The following THEMIS variants were observed in gnomAD, a reference collection of about 807,000 sequenced individuals.
THEMIS encodes the protein thymocyte selection associated, also known as protein THEMIS.
A neutral mutation model predicts 52.6 loss-of-function variants in THEMIS; 37 were observed. The ratio of observed to expected loss-of-function variants is 0.70; its 90% CI spans 0.54 to 0.93. THEMIS has a LOEUF of 0.93. THEMIS is among the 40% of genes least tolerant of loss of function. The pLI, the probability that THEMIS is intolerant of heterozygous loss-of-function variation, is 0.00. For missense variants in THEMIS, 808 were observed against 763.1 expected (o/e 1.06, Z -0.69); for synonymous variants, 292 against 272.7 (o/e 1.07, Z -0.70).
At chr6:127,849,715 C>T (rs966399217) in intron 2 of THEMIS, among the ~76,000 whole-genome samples, 1 of 151,858 alleles carries the variant, frequency 6.6e-6, no homozygotes, top group Non-Finnish European at 1.5e-5. Context: ...AACTTGATCC[C>T]CATTTCTCAT....
intron 2 of THEMIS, among the ~76,000 whole-genome samples, chr6:127,853,210 G>T (rs1416083505): frequency 6.6e-6 from 1 of 151,608 alleles, no homozygotes; most frequent in Non-Finnish European, 1.5e-5. Flanking sequence ...TCAATTACAT[G>T]CAAAATGTGA....
intron 4 of THEMIS, among the ~76,000 whole-genome samples, chr6:127,753,825 C>T (rs765515457): frequency 6.6e-6 from 1 of 152,020 alleles, no homozygotes; most frequent in East Asian, 1.9e-4. Context: ...GTCTACTGTA[C>T]AACATAGTGC....
chr6:127,705,833 C>G (rs892154809), downstream of THEMIS, among the ~76,000 whole-genome samples: 6 of 152,228 alleles, frequency 3.9e-5, no homozygotes, highest in African/African-American at 1.4e-4. Context: ...GGATTTGGAA[C>G]AAATTTTTGA....
At chr6:127,758,828 G>T (rs1429268724) in intron 4 of THEMIS, among the ~76,000 whole-genome samples, 3 of 151,940 alleles carry the variant, frequency 2.0e-5, no homozygotes, top group Non-Finnish European at 2.9e-5. Context: ...TTCTTTGTTG[G>T]GCAAGTAACA....
At chr6:127,702,018 C>T in the THEMIS span, among the ~76,000 whole-genome samples, 5 of 151,976 alleles carry the variant, frequency 3.3e-5, no homozygotes, top group Admixed American at 2.0e-4. Context: ...TCTTGATTCT[C>T]GGATTTTTTT....
intron 1 of THEMIS, among the ~76,000 whole-genome samples, chr6:127,888,973 T>C (rs1034210948): frequency 2.6e-5 from 4 of 152,114 alleles, no homozygotes; most frequent in Non-Finnish European, 5.9e-5. Context: ...TAATTTATTG[T>C]ATCAGTGAGA....
At position 127,779,659 on chromosome 6, in the gene THEMIS, A is replaced by G. The variant is rs1423176431; in HGVS notation, c.1758+33224T>C. On this transcript the variant is annotated intron_variant, in intron 4 of 5. Transcript: ENST00000368248. ...AGTGCTATAATACGGGTATGAATTG[A>G]AGCTCAAAATTCATTTTTATCAAAA... Among the ~76,000 whole-genome samples, 3 of 152,166 alleles carry G rather than the reference A, an allele frequency of 2.0e-5. No homozygotes were observed. The East Asian group carries it at 5.8e-4, about 29-fold the overall frequency.
rs371180263 is a variant in THEMIS, at chr6:127,720,197, A to G, written c.1759-374T>C. 3.9e-5 allele frequency among the ~76,000 whole-genome samples: 6 copies of G among 152,122 alleles called. 1 individual carries two copies. Among genetic ancestry groups the G allele is most frequent in the Admixed American group, 2.0e-4 (3 of 15,248 alleles). ...TATATATTACATAATTACATATTAT[A>G]TAATCAAAAGCAGATTTCATTTCTG... On this transcript the variant is annotated intron_variant, in intron 4 of 5. Coordinates refer to ENST00000368248, the MANE Select transcript of THEMIS (RefSeq NM_001010923.3).
At chr6:127,760,914 A>C (rs1776000306) in intron 4 of THEMIS, among the ~76,000 whole-genome samples, 1 of 152,194 alleles carries the variant, frequency 6.6e-6, no homozygotes, top group Non-Finnish European at 1.5e-5. Context: ...ATATGACACC[A>C]AAAGTACAGT....
chr6:127,810,357 C>T (rs925144543), intron 4 of THEMIS, among the ~76,000 whole-genome samples: 4 of 152,106 alleles, frequency 2.6e-5, no homozygotes, highest in Non-Finnish European at 5.9e-5. Flanking sequence ...ATTTTATTCC[C>T]TCCAAAATTC....
chr6:127,834,772 T>A (rs532167150), intron 2 of THEMIS, among the ~76,000 whole-genome samples: 1 of 152,218 alleles, frequency 6.6e-6, no homozygotes, highest in Non-Finnish European at 1.5e-5. Flanking sequence ...ACATTTAAAC[T>A]CCTTGAAAGG....
At chr6:127,789,985 C>T (rs971522604) in intron 4 of THEMIS, among the ~76,000 whole-genome samples, 1 of 152,228 alleles carries the variant, frequency 6.6e-6, no homozygotes, top group Non-Finnish European at 1.5e-5. Flanking sequence ...GATGCCCTGT[C>T]TCACCACTCC....
intron 4 of THEMIS, among the ~76,000 whole-genome samples, chr6:127,775,095 C>T (rs867493587): frequency 1.6e-4 from 25 of 152,128 alleles, no homozygotes; most frequent in African/African-American, 5.8e-4. Context: ...GGAGGCAGGG[C>T]ATATGTTGAT....
chr6:127,838,105 TAA>T (rs1778930781), intron 2 of THEMIS, among the ~76,000 whole-genome samples: 1 of 152,088 alleles, frequency 6.6e-6, no homozygotes, highest in African/African-American at 2.4e-5. Flanking sequence ...GAACCAAGAC[TAA>T]ATGTACCTGT....
intron 3 of THEMIS, among the ~76,000 whole-genome samples, chr6:127,819,906 A>C (rs560027945): frequency 2.6e-5 from 4 of 152,194 alleles, no homozygotes; most frequent in Non-Finnish European, 5.9e-5. Context: ...TCGTATTCTT[A>C]ATTGATCTAA....
At chr6:127,751,220 G>A (rs1218680827) in intron 4 of THEMIS, among the ~76,000 whole-genome samples, 4 of 151,750 alleles carry the variant, frequency 2.6e-5, no homozygotes, top group Admixed American at 6.6e-5. Flanking sequence ...CATAAAATGT[G>A]TGTCGGGGGA....
At chr6:127,822,216 T>G (rs763748260) in intron 3 of THEMIS, among the ~76,000 whole-genome samples, 1 of 152,076 alleles carries the variant, frequency 6.6e-6, no homozygotes, top group African/African-American at 2.4e-5. Flanking sequence ...TACTAAAAAT[T>G]TCTGAGCTCT....
At chr6:127,809,476 G>C (rs1334437566) in intron 4 of THEMIS, among the ~76,000 whole-genome samples, 1 of 152,146 alleles carries the variant, frequency 6.6e-6, no homozygotes, top group Non-Finnish European at 1.5e-5. Context: ...TGAAAATAAG[G>C]AGGTTAGTAG....
At chr6:127,906,572 A>C (rs997405663) in intron 1 of THEMIS, among the ~76,000 whole-genome samples, 8 of 151,962 alleles carry the variant, frequency 5.3e-5, no homozygotes, top group African/African-American at 1.2e-4. Flanking sequence ...TTATACCATC[A>C]ACTGAAGCAT....
Sources: allele counts gnomAD v4.1 joint callset (sites outside exome capture counted in the v4.1 genomes callset), GRCh38; gene constraint gnomAD v4.1.1; transcripts MANE v1.5; gene names NCBI Gene and HGNC (gene_info 2026-07-23, HGNC 2026-07-21).